ATP2A2: variants seen among roughly 807,000 people sequenced by gnomAD.
ATP2A2 encodes ATPase sarcoplasmic/endoplasmic reticulum Ca2+ transporting 2.
A neutral mutation model predicts 109.3 loss-of-function variants in ATP2A2; 14 were observed. That is an observed-to-expected ratio of 0.13 (90% CI 0.08 to 0.20). The LOEUF (loss-of-function observed/expected upper bound fraction) is 0.20, where lower values mean the gene tolerates loss of function less well. ATP2A2 is among the 10% of genes least tolerant of loss of function. The pLI is 1.00. For synonymous variants in ATP2A2, 506 were observed against 490.9 expected (o/e 1.03, Z -0.41); for missense variants, 657 against 1,321.6 (o/e 0.50, Z 7.80).
intron 8 of ATP2A2, among the ~76,000 whole-genome samples, chr12:110,328,552 A>G (rs1878028213): frequency 6.6e-6 from 1 of 152,198 alleles, no homozygotes; most frequent in Non-Finnish European, 1.5e-5. Flanking sequence ...CTGGGCGACA[A>G]GCAAGACTCC....
chr12:110,328,633 C>T (rs1274402614), intron 8 of ATP2A2, among the ~76,000 whole-genome samples: 1 of 152,192 alleles, frequency 6.6e-6, no homozygotes. Context: ...AGTGACACAG[C>T]TGTGGCTCAC....
At chr12:110,313,123 C>CTTG (rs1241903849) in intron 5 of ATP2A2, among the ~76,000 whole-genome samples, 1 of 152,104 alleles carries the variant, frequency 6.6e-6, no homozygotes, top group African/African-American at 2.4e-5. Flanking sequence ...GCCAGTTGAT[C>CTTG]TTGAAGCCTG....
chr12:110,327,368 A>G lies in ATP2A2; in HGVS notation c.631-185A>G, dbSNP rs1231436795. On this transcript the variant is annotated intron_variant, in intron 7 of 19. Transcript: ENST00000539276. This position sits in a 1 kb window ranked among gnomAD's most constrained non-coding sequence, Gnocchi z 4.4. ...GTGGGTCAGTACAGAGCTGCCTGAC[A>G]TAAGTAAGTAGCACATGGAGCATTG... 2.6e-5 allele frequency among the ~76,000 whole-genome samples: 4 copies of G among 152,238 alleles called. No individual in the cohort carries two copies. The highest frequency in any genetic ancestry group is 4.4e-5 in the Non-Finnish European group (3 of 68,040).
chr12:110,349,104 G>T lies in ATP2A2; in HGVS notation c.*2634G>T, dbSNP rs899251969. 2 of 985,364 alleles carry T rather than the reference G, an allele frequency of 2.0e-6. No individual in the cohort carries two copies. The highest frequency in any genetic ancestry group is 2.4e-6 in the Non-Finnish European group (2 of 829,976). 61.0% of individuals were successfully genotyped at this position (985,364 alleles called of 1,614,324 possible). A position where few individuals can be genotyped will look rare whatever the true frequency, so the allele number is the denominator to read the frequency against. The stretch of plus-strand genomic sequence containing the variant: ...GGAGGGACCCACTTCCCTTGGTCCA[G>T]ACAGCTGGGAGTGGGTTAGGCCCAC... On this transcript the variant is annotated 3_prime_UTR_variant, in exon 20 of 20. Transcript: ENST00000539276.
intron 5 of ATP2A2, among the ~76,000 whole-genome samples, chr12:110,307,196 A>C (rs1016312718): frequency 6.9e-6 from 1 of 145,350 alleles, no homozygotes; most frequent in Non-Finnish European, 1.5e-5. Context: ...CCAGCAGTGT[A>C]TAAGTGTTCC....
chr12:110,324,682 AG>A, intron 6 of ATP2A2, among the ~76,000 whole-genome samples: 1 of 152,040 alleles, frequency 6.6e-6, no homozygotes, highest in Non-Finnish European at 1.5e-5. Flanking sequence ...GGCCTCCCAA[AG>A]TGCTGGGATT....
At chr12:110,330,407 A>G (rs997481764) in intron 8 of ATP2A2, 3 of 152,198 alleles carry the variant, frequency 2.0e-5, no homozygotes, top group Non-Finnish European at 4.4e-5. Context: ...GAGCTACTTA[A>G]GTTCTTATTT....
intron 5 of ATP2A2, 88 bp downstream of exon 5, chr12:110,296,825 AATT>A (rs1874009769): frequency 6.3e-6 from 9 of 1,426,334 alleles, no homozygotes; most frequent in Non-Finnish European, 8.7e-6. Context: ...TATTTAAAAT[AATT>A]GTTTTCATGT....
Position 110,340,563 on chromosome 12 carries a change from C to T in ATP2A2, c.1762-96C>T. 1 of 1,340,510 alleles carries T rather than the reference C, an allele frequency of 7.5e-7. No individual in the cohort carries two copies. The highest frequency in any genetic ancestry group is 2.1e-5 in the Admixed American group (1 of 47,498). The allele number at this position is 1,340,510 out of a possible 1,614,324, so 83.0% of individuals were successfully genotyped here. A position where few individuals can be genotyped will look rare whatever the true frequency, so the allele number is the denominator to read the frequency against. The stretch of plus-strand genomic sequence containing the variant: ...CAAAAAAAAAAAAAGAAAAAAAATG[C>T]AGAAACCTGTCTCAATGTTTAACTG... On this transcript the variant is annotated intron_variant, in intron 13 of 19. Transcript: ENST00000539276. The surrounding 1 kb of genome is among the most constrained non-coding windows in gnomAD (Gnocchi z 6.0).
intron 10 of ATP2A2, 83 bp from the exon 11 acceptor site, chr12:110,333,929 T>C: frequency 3.8e-6 from 6 of 1,594,308 alleles, no homozygotes; most frequent in Non-Finnish European, 5.1e-6. Context: ...CAGATTGTGC[T>C]TTTGTGGAAA....
rs1268973629 is a variant in ATP2A2, at chr12:110,345,237, A to T, written c.2608-12A>T. ...ACTGGGCTGATAGGAATTTGATTGGATTTTCTTGCAGAGTCATTTCCTACA... is the reference window on the plus strand; with the variant it reads ...ACTGGGCTGATAGGAATTTGATTGGTTTTTCTTGCAGAGTCATTTCCTACA... On this transcript the variant is annotated splice_polypyrimidine_tract_variant and intron_variant, in intron 17 of 19. Transcript: ENST00000539276. The T allele has an allele frequency of 6.2e-7, 1 of 1,613,952 alleles. No individual in the cohort carries two copies. Among genetic ancestry groups the T allele is most frequent in the Non-Finnish European group, 8.5e-7 (1 of 1,180,010 alleles).
intron 5 of ATP2A2, among the ~76,000 whole-genome samples, chr12:110,314,319 ACT>A (rs1876422129): frequency 6.8e-6 from 1 of 146,054 alleles, no homozygotes; most frequent in East Asian, 2.0e-4. Context: ...CAAGAGTGAA[ACT>A]CTGTCTCAAA....
rs929071541 is a variant in ATP2A2, at chr12:110,334,161, G to T, written c.1419+18G>T. ...GCAACTCAGTGAGTATTTGAACCTG[G>T]TTTATTGTTCATGCTGCTTATCAGT... is the stretch of plus-strand genomic sequence containing the variant. On this transcript the variant is annotated intron_variant, in intron 11 of 19. Transcript: ENST00000539276. The T allele has an allele frequency of 6.2e-7, 1 of 1,613,370 alleles. No individual in the cohort carries two copies. Among genetic ancestry groups the T allele is most frequent in the Non-Finnish European group, 8.5e-7 (1 of 1,179,984 alleles).
At chr12:110,312,624 C>A (rs140203639) in intron 5 of ATP2A2, among the ~76,000 whole-genome samples, 186 of 151,648 alleles carry the variant, frequency 1.2e-3, no homozygotes, top group African/African-American at 4.4e-3. Flanking sequence ...CCAAGGCAGG[C>A]GGATCATTTG....
chr12:110,348,042 C>T lies in ATP2A2; in HGVS notation c.*1572C>T. 3.0e-6 allele frequency: 3 copies of T among 986,598 alleles called. No homozygotes were observed. The highest frequency in any genetic ancestry group is 3.6e-6 in the Non-Finnish European group (3 of 830,762). The allele number at this position is 986,598 out of a possible 1,614,324, so 61.1% of individuals were successfully genotyped here. ...GACAAGATGACCAGGAGGGCCCAAGCCAGACAAAAGCCGGAGTGGGGAGAG... is the reference window on the plus strand; with the variant it reads ...GACAAGATGACCAGGAGGGCCCAAGTCAGACAAAAGCCGGAGTGGGGAGAG... On this transcript the variant is annotated 3_prime_UTR_variant, in exon 20 of 20. Coordinates refer to ENST00000539276, the MANE Select transcript of ATP2A2 (RefSeq NM_170665.4).
intron 6 of ATP2A2, among the ~76,000 whole-genome samples, chr12:110,323,356 TG>T (rs1184470917): frequency 6.6e-6 from 1 of 152,152 alleles, no homozygotes; most frequent in African/African-American, 2.4e-5. Context: ...AGCTAATTTT[TG>T]TATTTTTATT....
chr12:110,285,915 C>CTTT (rs371107246), intron 3 of ATP2A2, among the ~76,000 whole-genome samples: 4 of 120,620 alleles, frequency 3.3e-5, no homozygotes, highest in African/African-American at 1.2e-4. Flanking sequence ...TGAGTTAGTG[C>CTTT]TTTTTTTTTT....
chr12:110,287,772 G>T (rs940347324), intron 3 of ATP2A2, among the ~76,000 whole-genome samples: 1 of 151,540 alleles, frequency 6.6e-6, no homozygotes, highest in Non-Finnish European at 1.5e-5. Flanking sequence ...GCACCACCAC[G>T]CCCGGGTAAT....
intron 3 of ATP2A2, 47 bp downstream of exon 3, chr12:110,282,842 A>G (rs1297918050): frequency 1.4e-6 from 2 of 1,463,656 alleles, no homozygotes; most frequent in East Asian, 2.3e-5. Context: ...AGCTGAAAGT[A>G]TTCCATAGAT....
Sources: gnomAD v4.1 joint callset for allele counts (sites outside exome capture counted in the v4.1 genomes callset) on GRCh38, gnomAD v4.1.1 for gene constraint, Gnocchi (gnomAD v3.1) non-coding constraint, MANE v1.5 for transcripts, NCBI Gene and HGNC (gene_info 2026-07-23, HGNC 2026-07-21) for gene names.